Variants in CADM1 observed in about 807,000 individuals in gnomAD.
CADM1 encodes the protein cell adhesion molecule 1.
In CADM1, 15 loss-of-function variants were observed where a neutral mutation model predicts 53.1. The observed-to-expected ratio is 0.28, with a 90% confidence interval of 0.19 to 0.44. CADM1 has a LOEUF of 0.44. Ranked by LOEUF, CADM1 falls within the 20% of genes least tolerant of loss-of-function variation. The pLI is 1.00. For synonymous variants in CADM1, 281 were observed against 243.0 expected (o/e 1.16, Z -1.45); for missense variants, 434 against 611.3 (o/e 0.71, Z 3.06).
At chr11:115,215,843 C>T (rs550705916) in intron 6 of CADM1, among the ~76,000 whole-genome samples, 2 of 152,322 alleles carry the variant, frequency 1.3e-5, no homozygotes, top group South Asian at 2.1e-4. Flanking sequence ...CCAGTTCCTA[C>T]AGCTGCCTCT....
intron 1 of CADM1, among the ~76,000 whole-genome samples, chr11:115,495,825 A>T (rs1591305989): frequency 2.6e-5 from 4 of 152,248 alleles, no homozygotes. Flanking sequence ...TCTGGTAACT[A>T]GGTAACTACA....
At chr11:115,223,535 T>G (rs909385470) in intron 5 of CADM1, among the ~76,000 whole-genome samples, 4 of 152,082 alleles carry the variant, frequency 2.6e-5, no homozygotes, top group Non-Finnish European at 5.9e-5. Context: ...TTAAGGTCAG[T>G]GAGATGAGAG....
chr11:115,328,688 A>ATG (rs1400925400), intron 1 of CADM1, among the ~76,000 whole-genome samples: 1 of 32,416 alleles, frequency 3.1e-5, no homozygotes, highest in Non-Finnish European at 4.5e-5. Flanking sequence ...GTGTATATAT[A>ATG]TGTGTATATA....
chr11:115,229,350 C>T, intron 4 of CADM1, 79 bp from the exon 5 acceptor site: 1 of 1,308,698 alleles, frequency 7.6e-7, no homozygotes, highest in Admixed American at 1.7e-5. Flanking sequence ...CCCCTCTGTC[C>T]TCTAACCCCA....
intron 1 of CADM1, among the ~76,000 whole-genome samples, chr11:115,275,457 T>A (rs576630816): frequency 6.6e-6 from 1 of 152,284 alleles, no homozygotes; most frequent in South Asian, 2.1e-4. Context: ...CTTTACTGTT[T>A]CCCATCTATG....
chr11:115,284,819 T>C (rs1655748569), intron 1 of CADM1, among the ~76,000 whole-genome samples: 1 of 152,228 alleles, frequency 6.6e-6, no homozygotes, highest in South Asian at 2.1e-4. Flanking sequence ...GTTAAATAAC[T>C]AATGTTCTCC....
intron 1 of CADM1, among the ~76,000 whole-genome samples, chr11:115,354,455 G>A (rs1002899006): frequency 5.3e-5 from 8 of 152,140 alleles, no homozygotes; most frequent in Non-Finnish European, 1.0e-4. Context: ...GAAATAAACT[G>A]GACAAGGCAG....
intron 1 of CADM1, among the ~76,000 whole-genome samples, chr11:115,294,913 C>A (rs111524869): frequency 1.8e-3 from 268 of 152,218 alleles, no homozygotes; most frequent in African/African-American, 6.0e-3. Context: ...TGGCATGCAC[C>A]TGTAATCCCA....
chr11:115,480,822 C>G (rs1247558387), intron 1 of CADM1, among the ~76,000 whole-genome samples: 1 of 152,124 alleles, frequency 6.6e-6, no homozygotes, highest in Non-Finnish European at 1.5e-5. Flanking sequence ...CTCCAGGCCT[C>G]AGCCCTGCAG....
At chr11:115,191,052 T>A in intron 9 of CADM1, 111 bp from the exon 10 acceptor site, 11 of 864,850 alleles carry the variant, frequency 1.3e-5, no homozygotes, top group Non-Finnish European at 2.0e-5. Context: ...TCTCTTGCTA[T>A]CTATGTTTTT....
intron 1 of CADM1, among the ~76,000 whole-genome samples, chr11:115,282,876 G>A (rs1042303516): frequency 6.6e-6 from 1 of 152,000 alleles, no homozygotes. Context: ...AGCTAAGTGG[G>A]GTTAAGAAAA....
intron 1 of CADM1, among the ~76,000 whole-genome samples, chr11:115,489,472 A>G (rs1949445413): frequency 6.6e-6 from 1 of 152,260 alleles, no homozygotes; most frequent in Non-Finnish European, 1.5e-5. Context: ...AATTGTGTAA[A>G]AAATGTTAAA....
At chr11:115,389,815 T>C (rs920334754) in intron 1 of CADM1, among the ~76,000 whole-genome samples, 3 of 152,170 alleles carry the variant, frequency 2.0e-5, no homozygotes, top group Non-Finnish European at 2.9e-5. Flanking sequence ...CTAATAATTA[T>C]ATAATACAAA....
chr11:115,279,874 C>T (rs893458921), intron 1 of CADM1, among the ~76,000 whole-genome samples: 1 of 152,196 alleles, frequency 6.6e-6, no homozygotes, highest in Non-Finnish European at 1.5e-5. Context: ...TCCTACCCAG[C>T]TCATCACGCT....
chr11:115,237,295 G>T (rs1034572322), intron 3 of CADM1, among the ~76,000 whole-genome samples: 1 of 152,156 alleles, frequency 6.6e-6, no homozygotes, highest in Non-Finnish European at 1.5e-5. Flanking sequence ...ATATGAATAC[G>T]TGAAAGCCAT....
intron 3 of CADM1, among the ~76,000 whole-genome samples, chr11:115,237,779 C>T (rs1457194319): frequency 6.6e-6 from 1 of 152,152 alleles, no homozygotes; most frequent in Non-Finnish European, 1.5e-5. Flanking sequence ...ATAGAAATAT[C>T]TGCTGACTAT....
intron 5 of CADM1, among the ~76,000 whole-genome samples, chr11:115,223,250 G>C (rs1028731224): frequency 1.3e-5 from 2 of 152,182 alleles, no homozygotes; most frequent in Non-Finnish European, 2.9e-5. Context: ...GTTCAGCCCA[G>C]GTGTTCTGCT....
Position 115,284,081 on chromosome 11 carries a change from C to T in CADM1, c.125-43661G>A, listed in dbSNP as rs185257071. Among the ~76,000 whole-genome samples, 5 of 31,806 alleles carry T rather than the reference C, an allele frequency of 1.6e-4. No homozygotes were observed. The East Asian group carries it at 5.8e-3, about 37-fold the overall frequency. The allele number at this position is 31,806 out of a possible 152,430, so 20.9% of individuals were successfully genotyped here. On this transcript the variant is annotated intron_variant, in intron 1 of 11. Transcript: ENST00000331581. ...AGAACCAGGGTGAAGATCTACAAGCCCAGACACTCTCTCTCTCTCTCTCTC... is the reference window on the plus strand; with the variant it reads ...AGAACCAGGGTGAAGATCTACAAGCTCAGACACTCTCTCTCTCTCTCTCTC...
intron 1 of CADM1, among the ~76,000 whole-genome samples, chr11:115,311,522 T>C (rs553003926): frequency 1.3e-5 from 2 of 151,790 alleles, no homozygotes; most frequent in East Asian, 3.9e-4. Flanking sequence ...ATCCCGTAAA[T>C]ACTATATTTG....
Sources: allele counts gnomAD v4.1 joint callset (sites outside exome capture counted in the v4.1 genomes callset), GRCh38; gene constraint gnomAD v4.1.1; transcripts MANE v1.5; gene names NCBI Gene and HGNC (gene_info 2026-07-23, HGNC 2026-07-21).